PCDH7: variants seen among roughly 807,000 people sequenced by gnomAD.
PCDH7 encodes the protein protocadherin-7.
In PCDH7, 17 loss-of-function variants were observed where a neutral mutation model predicts 58.9. That is an observed-to-expected ratio of 0.29 (90% CI 0.20 to 0.43). The LOEUF (loss-of-function observed/expected upper bound fraction) is 0.43. Among genes scored for constraint, PCDH7 ranks in the 20% least tolerant of loss-of-function variants. The pLI is 1.00. For missense variants in PCDH7, 1,274 were observed against 1,441.0 expected (o/e 0.88, Z 1.88); for synonymous variants, 664 against 616.4 (o/e 1.08, Z -1.14).
intron 3 of PCDH7, among the ~76,000 whole-genome samples, chr4:30,992,296 A>G (rs1296914576): frequency 6.6e-6 from 1 of 152,180 alleles, no homozygotes; most frequent in Non-Finnish European, 1.5e-5. Context: ...GGTGGCTCAC[A>G]ATGGATAATT....
intron 3 of PCDH7, among the ~76,000 whole-genome samples, chr4:30,999,632 C>A (rs549112754): frequency 6.6e-6 from 1 of 152,010 alleles, no homozygotes; most frequent in Admixed American, 6.6e-5. Flanking sequence ...TGTAAAGACA[C>A]GGGACCAAAC....
intron 3 of PCDH7, among the ~76,000 whole-genome samples, chr4:31,070,269 T>C (rs1043967609): frequency 2.6e-5 from 4 of 152,088 alleles, no homozygotes; most frequent in Admixed American, 6.6e-5. Context: ...ATACACAGGC[T>C]CATTCAACAG....
At chr4:30,831,581 C>T (rs1322282697) in intron 1 of PCDH7, among the ~76,000 whole-genome samples, 1 of 152,016 alleles carries the variant, frequency 6.6e-6, no homozygotes, top group Non-Finnish European at 1.5e-5. Flanking sequence ...CTATTCTTAG[C>T]GGATTAATAC....
At chr4:31,067,554 T>G (rs1463977446) in intron 3 of PCDH7, among the ~76,000 whole-genome samples, 1 of 151,862 alleles carries the variant, frequency 6.6e-6, no homozygotes, top group Non-Finnish European at 1.5e-5. Context: ...CAGTAGGTAT[T>G]AGCAGGAGGA....
chr4:30,825,821 G>A (rs572625290), intron 1 of PCDH7, among the ~76,000 whole-genome samples: 4 of 152,236 alleles, frequency 2.6e-5, no homozygotes, highest in Admixed American at 1.3e-4. Flanking sequence ...TGGCAGGTCA[G>A]ACTAGGCCAA....
At chr4:30,842,103 A>C (rs897180428) in intron 1 of PCDH7, among the ~76,000 whole-genome samples, 5 of 152,118 alleles carry the variant, frequency 3.3e-5, no homozygotes, top group Non-Finnish European at 7.4e-5. Flanking sequence ...GACATTAATA[A>C]AATCTGGGCT....
chr4:30,931,735 C>A (rs1744630103), intron 2 of PCDH7, among the ~76,000 whole-genome samples: 1 of 151,670 alleles, frequency 6.6e-6, no homozygotes, highest in African/African-American at 2.4e-5. Flanking sequence ...TCCATTGTAA[C>A]ATCATTATCA....
chr4:31,112,319 G>C (rs1716421938), intron 3 of PCDH7, among the ~76,000 whole-genome samples: 1 of 152,148 alleles, frequency 6.6e-6, no homozygotes, highest in South Asian at 2.1e-4. Context: ...GAATGAATAT[G>C]TCCAGAGCTG....
chr4:31,031,382 G>C (rs1188502633), intron 3 of PCDH7, among the ~76,000 whole-genome samples: 5 of 152,176 alleles, frequency 3.3e-5, no homozygotes, highest in African/African-American at 7.2e-5. Context: ...TGTCAATACT[G>C]TCGATCTTGG....
chr4:31,145,199 A>G (rs185509512), downstream of PCDH7: 6 of 152,166 alleles, frequency 3.9e-5, no homozygotes, highest in Admixed American at 1.3e-4. Flanking sequence ...ACATTCCCCA[A>G]TGATGTTTGC....
At chr4:30,993,964 T>A (rs1225861967) in intron 3 of PCDH7, among the ~76,000 whole-genome samples, 2 of 152,106 alleles carry the variant, frequency 1.3e-5, no homozygotes, top group Non-Finnish European at 2.9e-5. Flanking sequence ...AAATGCTAAG[T>A]TGGTAACTAG....
chr4:30,758,656 G>T (rs1719623950), intron 1 of PCDH7, among the ~76,000 whole-genome samples: 1 of 152,134 alleles, frequency 6.6e-6, no homozygotes, highest in Non-Finnish European at 1.5e-5. Flanking sequence ...TAGGACAAAT[G>T]ACCCTGCCTG....
At chr4:31,053,204 T>C (rs982745512) in intron 3 of PCDH7, among the ~76,000 whole-genome samples, 1 of 152,090 alleles carries the variant, frequency 6.6e-6, no homozygotes, top group Non-Finnish European at 1.5e-5. Flanking sequence ...TGCATACCCA[T>C]CACCAGGCTA....
intron 3 of PCDH7, among the ~76,000 whole-genome samples, chr4:31,002,643 A>T (rs1433868854): frequency 6.6e-6 from 1 of 152,262 alleles, no homozygotes; most frequent in Non-Finnish European, 1.5e-5. Flanking sequence ...TATTTCTTTA[A>T]ATAAAACTAT....
chr4:30,756,540 C>T (rs1192610105), intron 1 of PCDH7, among the ~76,000 whole-genome samples: 1 of 152,228 alleles, frequency 6.6e-6, no homozygotes, highest in African/African-American at 2.4e-5. Flanking sequence ...ATTGTGCTGA[C>T]ACCCCGAATA....
chr4:30,906,828 G>A (rs557059018), intron 1 of PCDH7, among the ~76,000 whole-genome samples: 1 of 151,988 alleles, frequency 6.6e-6, no homozygotes, highest in East Asian at 1.9e-4. Flanking sequence ...TTTGACACCA[G>A]GTTGGCCAAC....
intron 1 of PCDH7, among the ~76,000 whole-genome samples, chr4:30,752,783 C>CAAAAAAAAAAAA (rs35860745): frequency 1.0e-5 from 1 of 99,536 alleles, no homozygotes; most frequent in Non-Finnish European, 2.0e-5. Context: ...CCTGTAGGGG[C>CAAAAAAAAAAAA]AAAAAAAAAA....
At chr4:30,743,331 A>G (rs1717327172) in intron 1 of PCDH7, among the ~76,000 whole-genome samples, 1 of 152,134 alleles carries the variant, frequency 6.6e-6, no homozygotes, top group Non-Finnish European at 1.5e-5. Context: ...GTCTTATTGA[A>G]GAAAGGAGAG....
At chr4:30,834,895 C>T (rs775546848) in intron 1 of PCDH7, among the ~76,000 whole-genome samples, 9 of 150,836 alleles carry the variant, frequency 6.0e-5, no homozygotes, top group Non-Finnish European at 1.3e-4. Flanking sequence ...ACTTTATAAA[C>T]ATTGGTGTTA....
Sources: allele counts gnomAD v4.1 joint callset (sites outside exome capture counted in the v4.1 genomes callset), GRCh38; gene constraint gnomAD v4.1.1; transcripts MANE v1.5; gene names NCBI Gene and HGNC (gene_info 2026-07-23, HGNC 2026-07-21).